The following FGGY variants were observed in gnomAD, a reference collection of about 807,000 sequenced individuals.
FGGY encodes the protein FGGY carbohydrate kinase domain containing.
In FGGY, 72 loss-of-function variants were observed where a neutral mutation model predicts 71.3. The ratio of observed to expected loss-of-function variants is 1.01; its 90% CI spans 0.84 to 1.23. The LOEUF (loss-of-function observed/expected upper bound fraction) is 1.23, where lower values mean the gene tolerates loss of function less well. Among genes scored for constraint, FGGY ranks in the 50% most tolerant of loss-of-function variants. The pLI, the probability that FGGY is intolerant of heterozygous loss-of-function variation, is 0.00. For missense variants in FGGY, 668 were observed against 682.3 expected (o/e 0.98, Z 0.23); for synonymous variants, 251 against 250.3 (o/e 1.00, Z -0.02).
chr1:59,699,294 A>G (rs2097690309), intron 14 of FGGY: 3 of 984,922 alleles, frequency 3.0e-6, no homozygotes, highest in Non-Finnish European at 3.6e-6. Context: ...TTAAAAATTC[A>G]ATTAGAGATA....
At chr1:59,650,002 A>T (rs1185104270) in intron 11 of FGGY, among the ~76,000 whole-genome samples, 1 of 148,306 alleles carries the variant, frequency 6.7e-6, no homozygotes, top group East Asian at 1.9e-4. Flanking sequence ...GCATCTGTTG[A>T]GATAATCATG....
chr1:59,553,571 A>G (rs1425741598), intron 7 of FGGY, among the ~76,000 whole-genome samples: 3 of 152,180 alleles, frequency 2.0e-5, no homozygotes, highest in Non-Finnish European at 4.4e-5. Flanking sequence ...AAGTAGTAGT[A>G]AGAATGGTGA....
chr1:59,497,836 C>T (rs2094093284), intron 6 of FGGY, among the ~76,000 whole-genome samples: 1 of 152,184 alleles, frequency 6.6e-6, no homozygotes, highest in African/African-American at 2.4e-5. Flanking sequence ...TCTGTCGGCG[C>T]TGCTATTTCT....
chr1:59,617,047 T>C (rs2096762763), intron 9 of FGGY, among the ~76,000 whole-genome samples: 1 of 152,170 alleles, frequency 6.6e-6, no homozygotes, highest in Non-Finnish European at 1.5e-5. Context: ...AAATACATCA[T>C]TGTCACATAG....
chr1:59,451,015 T>A (rs1191099124), intron 5 of FGGY, among the ~76,000 whole-genome samples: 1 of 152,148 alleles, frequency 6.6e-6, no homozygotes, highest in African/African-American at 2.4e-5. Context: ...TCACATTTGA[T>A]GAAATACTGA....
chr1:59,428,595 T>G (rs2066789872), intron 5 of FGGY, among the ~76,000 whole-genome samples: 1 of 152,244 alleles, frequency 6.6e-6, no homozygotes, highest in Admixed American at 6.5e-5. Context: ...GCACGTGACC[T>G]TGGGTCAGTT....
At chr1:59,667,745 A>G (rs183988093) in intron 13 of FGGY, among the ~76,000 whole-genome samples, 229 of 152,306 alleles carry the variant, frequency 1.5e-3, no homozygotes, top group Non-Finnish European at 2.6e-3. Context: ...TACGAAGATG[A>G]ATAGGACATG....
intron 5 of FGGY, among the ~76,000 whole-genome samples, chr1:59,388,130 T>C (rs1015002213): frequency 1.3e-5 from 2 of 151,968 alleles, no homozygotes; most frequent in African/African-American, 2.4e-5. Flanking sequence ...TGTTCAGGTA[T>C]GTGTACATAC....
In FGGY at chr1:59,421,679, G is replaced by A. The variant is rs946139480; in HGVS notation, c.555-35282G>A. Among the ~76,000 whole-genome samples, 3 of 151,984 alleles carry A rather than the reference G, an allele frequency of 2.0e-5. No individual in the cohort carries two copies. In the South Asian group the frequency reaches 6.2e-4, roughly 32 times the overall value. ...TGCATGTTTTATATCAGGTTGGCAGGTATACTTGAGATATATTGTCTTGGC... is the reference window on the plus strand; with the variant it reads ...TGCATGTTTTATATCAGGTTGGCAGATATACTTGAGATATATTGTCTTGGC... On this transcript the variant is annotated intron_variant, in intron 5 of 15. Coordinates refer to ENST00000303721, the MANE Select transcript of FGGY (RefSeq NM_018291.5).
chr1:59,457,496 AG>A (rs1407646675), intron 6 of FGGY, among the ~76,000 whole-genome samples: 5 of 152,094 alleles, frequency 3.3e-5, no homozygotes, highest in African/African-American at 1.2e-4. Flanking sequence ...CTGTAGTGTC[AG>A]CTACTCCGGA....
At chr1:59,538,261 C>T (rs561714415) in intron 7 of FGGY, among the ~76,000 whole-genome samples, 88 of 152,028 alleles carry the variant, frequency 5.8e-4, no homozygotes, top group African/African-American at 2.0e-3. Context: ...CATCACTGGC[C>T]ATCAGAGAAA....
At chr1:59,581,599 C>G (rs995653761) in intron 8 of FGGY, among the ~76,000 whole-genome samples, 1 of 150,034 alleles carries the variant, frequency 6.7e-6, no homozygotes, top group Non-Finnish European at 1.5e-5. Context: ...AATAGACATA[C>G]AGTAAAAATG....
At chr1:59,706,423 A>G (rs554252162) in intron 14 of FGGY, among the ~76,000 whole-genome samples, 5 of 152,310 alleles carry the variant, frequency 3.3e-5, no homozygotes, top group African/African-American at 1.2e-4. Flanking sequence ...CACTATTTAT[A>G]AAGTACTTGG....
intron 8 of FGGY, among the ~76,000 whole-genome samples, chr1:59,568,141 A>T (rs2095908367): frequency 6.6e-6 from 1 of 152,204 alleles, no homozygotes; most frequent in South Asian, 2.1e-4. Flanking sequence ...ACAGTAAAAC[A>T]TATGAATATT....
At chr1:59,595,320 TTA>T (rs940257940) in intron 8 of FGGY, among the ~76,000 whole-genome samples, 2 of 151,958 alleles carry the variant, frequency 1.3e-5, no homozygotes, top group African/African-American at 2.4e-5. Flanking sequence ...ATGCCTTTTT[TTA>T]AAAAAAAATG....
intron 8 of FGGY, among the ~76,000 whole-genome samples, chr1:59,605,298 G>A (rs1362162432): frequency 3.3e-5 from 5 of 152,084 alleles, no homozygotes; most frequent in Non-Finnish European, 5.9e-5. Context: ...CCCCAGTTTG[G>A]CTGAAACTGA....
chr1:59,318,369 G>T (rs183204564), intron 1 of FGGY, among the ~76,000 whole-genome samples: 1 of 152,268 alleles, frequency 6.6e-6, no homozygotes, highest in East Asian at 1.9e-4. Context: ...TGTATGCCAG[G>T]CACTGGGCTT....
intron 5 of FGGY, among the ~76,000 whole-genome samples, chr1:59,420,569 C>T (rs920437558): frequency 2.0e-5 from 3 of 152,120 alleles, no homozygotes; most frequent in East Asian, 1.9e-4. Context: ...TGTACTTAAA[C>T]GGTAGAGACT....
intron 5 of FGGY, among the ~76,000 whole-genome samples, chr1:59,420,082 A>T (rs889025116): frequency 6.6e-5 from 10 of 152,212 alleles, no homozygotes; most frequent in Non-Finnish European, 1.5e-5. Flanking sequence ...AATCCTCACC[A>T]GTTCCTGAAA....
Sources: gnomAD v4.1 joint callset for allele counts (sites outside exome capture counted in the v4.1 genomes callset) on GRCh38, gnomAD v4.1.1 for gene constraint, MANE v1.5 for transcripts, NCBI Gene and HGNC (gene_info 2026-07-23, HGNC 2026-07-21) for gene names.